Variants in MAP2 observed in about 807,000 individuals in gnomAD.
MAP2 encodes the protein microtubule associated protein 2, also known as microtubule-associated protein 2.
MAP2 carries 14 observed loss-of-function variants against 137.6 expected under a neutral mutation model. The ratio of observed to expected loss-of-function variants is 0.10; its 90% CI spans 0.07 to 0.16. MAP2 has a LOEUF of 0.16. MAP2 is among the 10% of genes least tolerant of loss of function. The pLI, the probability that MAP2 is intolerant of heterozygous loss-of-function variation, is 1.00. For missense variants in MAP2, 2,088 were observed against 2,191.5 expected (o/e 0.95, Z 0.94); for synonymous variants, 786 against 782.3 (o/e 1.00, Z -0.08).
intron 1 of MAP2, among the ~76,000 whole-genome samples, chr2:209,473,521 A>AT (rs1706344792): frequency 1.3e-5 from 2 of 152,278 alleles, no homozygotes; most frequent in African/African-American, 4.8e-5. Flanking sequence ...ATATGTTTTC[A>AT]TTAAGAGACC....
intron 1 of MAP2, among the ~76,000 whole-genome samples, chr2:209,474,825 TTAAATCTA>T (rs1369477800): frequency 2.0e-5 from 3 of 152,056 alleles, no homozygotes; most frequent in Non-Finnish European, 4.4e-5. Context: ...TGCAAACAAT[TTAAATCTA>T]TAAATAGGCA....
At chr2:209,660,542 G>A (rs996641681) in intron 5 of MAP2, among the ~76,000 whole-genome samples, 4 of 145,200 alleles carry the variant, frequency 2.8e-5, no homozygotes, top group Non-Finnish European at 6.0e-5. Context: ...ACAGGCGCCC[G>A]CCACCAAGCC....
intron 1 of MAP2, among the ~76,000 whole-genome samples, chr2:209,463,640 G>A (rs1006688922): frequency 6.6e-6 from 1 of 152,120 alleles, no homozygotes; most frequent in Non-Finnish European, 1.5e-5. Flanking sequence ...GAAAATCAGT[G>A]CCCATATTTC....
intron 1 of MAP2, among the ~76,000 whole-genome samples, chr2:209,468,466 G>A (rs1414127612): frequency 1.3e-5 from 2 of 151,244 alleles, no homozygotes; most frequent in Admixed American, 6.6e-5. Flanking sequence ...GACTACAGGC[G>A]CCCACCACCA....
chr2:209,472,947 TTACTGTTATGTATA>T (rs1706156994), intron 1 of MAP2, among the ~76,000 whole-genome samples: 1 of 152,182 alleles, frequency 6.6e-6, no homozygotes, highest in Non-Finnish European at 1.5e-5. Context: ...GGATTTCTGA[TTACTGTTATGTATA>T]TATTTATTGG....
At chr2:209,664,501 A>G (rs918002914) in intron 5 of MAP2, among the ~76,000 whole-genome samples, 4 of 152,304 alleles carry the variant, frequency 2.6e-5, no homozygotes, top group Middle Eastern at 3.4e-3. Flanking sequence ...AGTGAGTCAG[A>G]TCACGCCACT....
At chr2:209,729,998 T>TA (rs375816397) in intron 15 of MAP2, 36 bp downstream of exon 15, 55,691 of 1,424,448 alleles carry the variant, frequency 0.039, 2,690 homozygotes, top group African/African-American at 0.24. Flanking sequence ...CTTGTCTTTT[T>TA]AAAAAAAATT....
At chr2:209,659,512 G>A (rs567632779) in intron 5 of MAP2, among the ~76,000 whole-genome samples, 40 of 152,100 alleles carry the variant, frequency 2.6e-4, no homozygotes, top group Non-Finnish European at 4.9e-4. Flanking sequence ...AGCAGTTATC[G>A]ATTACAGGCA....
intron 4 of MAP2, among the ~76,000 whole-genome samples, chr2:209,646,240 A>G (rs1311997745): frequency 6.6e-6 from 1 of 152,246 alleles, no homozygotes; most frequent in Non-Finnish European, 1.5e-5. Context: ...TAAGCAAAAT[A>G]TAGGTTATCT....
chr2:209,444,926 A>G lies in MAP2; in HGVS notation c.-222+20650A>G, dbSNP rs1244542656. Among the ~76,000 whole-genome samples, 3 of 151,614 alleles carry G rather than the reference A, an allele frequency of 2.0e-5. No individual in the cohort carries two copies. In the East Asian group the frequency reaches 5.8e-4, roughly 29 times the overall value. ...TGTCACATATAAAAAAGCTTAAGTC[A>G]AGCTTTTTTGTGATGATGTGTTACC... is the stretch of plus-strand genomic sequence containing the variant. On this transcript the variant is annotated intron_variant, in intron 1 of 15. Coordinates refer to ENST00000682079, the MANE Select transcript of MAP2 (RefSeq NM_001375505.1).
intron 13 of MAP2, among the ~76,000 whole-genome samples, chr2:209,716,846 G>A (rs1266746949): frequency 6.6e-6 from 1 of 152,000 alleles, no homozygotes; most frequent in Non-Finnish European, 1.5e-5. Flanking sequence ...TCACATGCAT[G>A]GTACTACTTG....
At chr2:209,433,990 C>G (rs1488132652) in intron 1 of MAP2, among the ~76,000 whole-genome samples, 1 of 152,046 alleles carries the variant, frequency 6.6e-6, no homozygotes, top group African/African-American at 2.4e-5. Flanking sequence ...TGCCAAACAA[C>G]AACCAACATT....
At chr2:209,447,747 T>C (rs541415951) in intron 1 of MAP2, among the ~76,000 whole-genome samples, 1 of 152,178 alleles carries the variant, frequency 6.6e-6, no homozygotes, top group East Asian at 1.9e-4. Flanking sequence ...ACCTGTACTA[T>C]CAGTACTTCC....
chr2:209,605,058 C>T lies in MAP2; in HGVS notation c.-106-19995C>T, dbSNP rs538855518. Among the ~76,000 whole-genome samples the T allele has an allele frequency of 2.1e-4, 32 of 151,970 alleles. No individual in the cohort carries two copies. In the South Asian group the frequency reaches 4.6e-3, roughly 22 times the overall value. On this transcript the variant is annotated intron_variant, in intron 3 of 15. Coordinates refer to ENST00000682079, the MANE Select transcript of MAP2 (RefSeq NM_001375505.1). ...CAGAAATATACTAAAAGAGTATATG[C>T]GTGTGTATGCAAATGTGAATACATC...
At chr2:209,678,454 T>C in intron 5 of MAP2, 118 bp from the exon 6 acceptor site, 1 of 424,248 alleles carries the variant, frequency 2.4e-6, no homozygotes, top group Non-Finnish European at 4.2e-6. Context: ...AAAATTATGT[T>C]GTACTTTTTA....
intron 2 of MAP2, among the ~76,000 whole-genome samples, chr2:209,565,535 A>G (rs553371093): frequency 6.6e-6 from 1 of 152,118 alleles, no homozygotes; most frequent in African/African-American, 2.4e-5. Context: ...ATATCTATAC[A>G]TTACAGATTG....
intron 4 of MAP2, among the ~76,000 whole-genome samples, chr2:209,645,894 A>G (rs1333466829): frequency 1.3e-5 from 2 of 152,256 alleles, no homozygotes; most frequent in Non-Finnish European, 2.9e-5. Context: ...TATCAGAAAT[A>G]TGCAAAATAA....
At chr2:209,452,328 C>T (rs2149492141) in intron 1 of MAP2, among the ~76,000 whole-genome samples, 2 of 152,270 alleles carry the variant, frequency 1.3e-5, no homozygotes, top group South Asian at 4.1e-4. Context: ...ATGTAAAACC[C>T]ACTTTCATCC....
At chr2:209,431,212 T>C (rs1166107140) in intron 1 of MAP2, among the ~76,000 whole-genome samples, 1 of 152,072 alleles carries the variant, frequency 6.6e-6, no homozygotes, top group Non-Finnish European at 1.5e-5. Context: ...TGCAAAGTTC[T>C]CCATTAAAAA....
Sources: gnomAD v4.1 joint callset for allele counts (sites outside exome capture counted in the v4.1 genomes callset) on GRCh38, gnomAD v4.1.1 for gene constraint, MANE v1.5 for transcripts, NCBI Gene and HGNC (gene_info 2026-07-23, HGNC 2026-07-21) for gene names.